PER2: variants seen among roughly 807,000 people sequenced by gnomAD.
PER2 encodes period circadian protein homolog 2.
In PER2, 66 loss-of-function variants were observed where a neutral mutation model predicts 121.0. The observed-to-expected ratio is 0.55, with a 90% CI of 0.45 to 0.67. The LOEUF (loss-of-function observed/expected upper bound fraction) is 0.67, where lower values mean the gene tolerates loss of function less well. Ranked by LOEUF, PER2 falls within the 30% of genes least tolerant of loss-of-function variation. The pLI, the probability that PER2 is intolerant of heterozygous loss-of-function variation, is 0.00. For missense variants in PER2, 1,521 were observed against 1,635.0 expected, an observed-to-expected ratio of 0.93 and a Z score of 1.20; for synonymous variants, 684 against 659.9, an observed-to-expected ratio of 1.04 and a Z score of -0.56.
upstream of PER2, among the ~76,000 whole-genome samples, chr2:238,288,774 G>T (rs755067157): frequency 5.1e-4 from 77 of 151,796 alleles, no homozygotes; most frequent in Non-Finnish European, 1.0e-3. Flanking sequence ...CTCCGCCGCG[G>T]CCGAGTCGCC....
rs1695411892 is a variant in PER2, at chr2:238,245,076, C to CCCTGGT, written c.*1293_*1298dup. On this transcript the variant is annotated 3_prime_UTR_variant, in exon 23 of 23. Coordinates refer to ENST00000254657, the MANE Select transcript of PER2 (RefSeq NM_022817.3). The stretch of plus-strand genomic sequence containing the variant: ...AAAAAAAAAAAAAAAAAAAAGAAAA[C>CCCTGGT]CCTGGTCCCTTTTAAGCCTCATAGT... 7.7e-6 allele frequency: 1 copy of CCCTGGT among 130,362 alleles called. No individual in the cohort carries two copies. The highest frequency in any genetic ancestry group is 1.7e-5 in the Non-Finnish European group (1 of 59,926). The allele number at this position is 130,362 out of a possible 1,614,324, so 8.1% of individuals were successfully genotyped here.
At position 238,244,444 on chromosome 2, in the gene PER2, A is replaced by T. The variant is rs1251444001; in HGVS notation, c.*1931T>A. 1 of 152,496 alleles carries T rather than the reference A, an allele frequency of 6.6e-6. No individual in the cohort carries two copies. The highest frequency in any genetic ancestry group is 2.4e-5 in the African/African-American group (1 of 41,464). 9.4% of individuals were successfully genotyped at this position (152,496 alleles called of 1,614,324 possible). A position where few individuals can be genotyped will look rare whatever the true frequency, so the allele number is the denominator to read the frequency against. On this transcript the variant is annotated 3_prime_UTR_variant, in exon 23 of 23. Coordinates refer to ENST00000254657, the MANE Select transcript of PER2 (RefSeq NM_022817.3). ...AATGATAAAATAATGCTGATGGTAA[A>T]CATTCATAACAGCAGAGTAAGATTT... is the stretch of plus-strand genomic sequence containing the variant.
chr2:238,275,595 A>G (rs1696426876), intron 4 of PER2, 148 bp downstream of exon 4: 2 of 834,976 alleles, frequency 2.4e-6, no homozygotes, highest in Non-Finnish European at 4.1e-6. Flanking sequence ...AGGCTGTGGC[A>G]GCGGAATCGC....
In PER2 at chr2:238,275,840, C is replaced by T. The variant is rs780405920; in HGVS notation, c.351G>A (p.Glu117=). ...TGTCTGCAGGGAGGTGGACCTTCAG[C>T]TCCTTTAGTGTTTTTATCAGTTCTT... ...THKELIKTLK[E]LKVHLPADKK... Residue 117 remains glutamate, a synonymous_variant, in exon 4 of 23, where the codon GAG becomes GAA. Coordinates refer to ENST00000254657, the MANE Select transcript of PER2 (RefSeq NM_022817.3). 2 of 1,614,200 alleles carry T rather than the reference C, an allele frequency of 1.2e-6. No individual in the cohort carries two copies. The highest frequency in any genetic ancestry group is 1.7e-6 in the Non-Finnish European group (2 of 1,179,992).
Position 238,253,382 on chromosome 2 carries a change from C to T in PER2, c.2641G>A (p.Val881Met). ...AACTGGTGCTGGAGGTCCACGGGCA[C>T]AGCAGGCACTGTGAAGCTGGCGTGG... ...PPHASFTVPA[V>M]PVDLQHQFAV... is the part of the protein sequence containing the mutation. The change falls in exon 19 of 23, where the codon GTG becomes ATG. Residue 881 changes from valine (V) to methionine (M), a missense_variant. Transcript: ENST00000254657. The surrounding 1 kb of genome is among the most constrained non-coding windows in gnomAD (Gnocchi z 5.6). 3.1e-6 allele frequency: 5 copies of T among 1,612,176 alleles called. No individual in the cohort carries two copies. Among genetic ancestry groups the T allele is most frequent in the Non-Finnish European group, 4.2e-6 (5 of 1,178,782 alleles).
rs976154195 is a variant in PER2, at chr2:238,275,846, T to C, written c.345A>G (p.Leu115=). ...VDTHKELIKT[L]KELKVHLPAD... is the part of the protein sequence containing the mutation. Reference sequence around the variant, plus strand: ...CAGGGAGGTGGACCTTCAGCTCCTTTAGTGTTTTTATCAGTTCTTTGTGTG... The same window carrying C: ...CAGGGAGGTGGACCTTCAGCTCCTTCAGTGTTTTTATCAGTTCTTTGTGTG... The change falls in exon 4 of 23, where the codon CTA becomes CTG. Residue 115 remains leucine, a synonymous_variant. Transcript: ENST00000254657. The C allele has an allele frequency of 1.2e-6, 2 of 1,614,212 alleles. No homozygotes were observed. Among genetic ancestry groups the C allele is most frequent in the South Asian group, 1.1e-5 (1 of 91,084 alleles).
In PER2 at chr2:238,258,371, G is replaced by A; in HGVS notation, c.1805C>T (p.Thr602Ile). The change falls in exon 16 of 23, where the codon ACC becomes ATC. Residue 602 changes from threonine (T) to isoleucine (I), a missense_variant. By Grantham distance (89) the Thr-to-Ile change is moderately conservative. Transcript: ENST00000254657. ...TGGGAACTCGCATTTCCTCTTCAGG[G>A]TGGCAGCCTCATTGCAGCTCTCCAA... ...RYLESCNEAA[T>I]LKRKCEFPAN... The A allele has an allele frequency of 6.2e-7, 1 of 1,614,204 alleles. No individual in the cohort carries two copies.
intron 9 of PER2, among the ~76,000 whole-genome samples, chr2:238,264,367 C>A (rs1696032495): frequency 6.6e-6 from 1 of 152,236 alleles, no homozygotes; most frequent in South Asian, 2.1e-4. Flanking sequence ...CGCGGACACA[C>A]CTGAGCCACC....
intron 1 of PER2, among the ~76,000 whole-genome samples, chr2:238,279,362 C>T (rs973496895): frequency 1.3e-5 from 2 of 152,160 alleles, no homozygotes; most frequent in Admixed American, 6.5e-5. Flanking sequence ...CTACATGGTG[C>T]GCAGGAGATC....
intron 1 of PER2, among the ~76,000 whole-genome samples, chr2:238,278,550 C>T (rs1005006330): frequency 6.6e-6 from 1 of 152,208 alleles, no homozygotes. Context: ...ATAATCAACA[C>T]CCGGCCTGTG....
chr2:238,253,578 C>A lies in PER2; in HGVS notation c.2445G>T (p.Gly815=), dbSNP rs760321226. 6.2e-7 allele frequency: 1 copy of A among 1,608,742 alleles called. No individual in the cohort carries two copies. The highest frequency in any genetic ancestry group is 8.5e-7 in the Non-Finnish European group (1 of 1,177,548). The change falls in exon 19 of 23, where the codon GGG becomes GGT. Residue 815 remains glycine (G), a synonymous_variant. Coordinates refer to ENST00000254657, the MANE Select transcript of PER2 (RefSeq NM_022817.3). The surrounding 1 kb of genome is among the most constrained non-coding windows in gnomAD (Gnocchi z 5.6). The part of the protein sequence containing the change: ...RDSSESTGSG[G]PVSARPPLVG... ...CCAGCGGGGGCCGGGCGGACACGGGCCCCCCAGATCCGGTGCTCTCAGATG... is the reference window on the plus strand; with the variant it reads ...CCAGCGGGGGCCGGGCGGACACGGGACCCCCAGATCCGGTGCTCTCAGATG...
Position 238,262,321 on chromosome 2 carries a change from A to G in PER2, c.1177T>C (p.Phe393Leu), listed in dbSNP as rs1190608798. Reference protein sequence around the residue: ...KKILQSGGQPFDYSPIRFRAR... With the variant: ...KKILQSGGQPLDYSPIRFRAR... ...CGAAACCGAATGGGAGAATAGTCGA[A>G]AGGCTGCCCGCCTGACTGCAGGACT... is the stretch of plus-strand genomic sequence containing the variant. The change falls in exon 11 of 23, where the codon TTC becomes CTC. Residue 393 changes from phenylalanine to leucine, a missense_variant. Transcript: ENST00000254657. 1 of 1,614,034 alleles carries G rather than the reference A, an allele frequency of 6.2e-7. No individual in the cohort carries two copies. The highest frequency in any genetic ancestry group is 2.2e-5 in the East Asian group (1 of 44,862).
chr2:238,298,665 TG>T, the PER2 span: 1 of 152,246 alleles, frequency 6.6e-6, no homozygotes, highest in Non-Finnish European at 1.5e-5. Context: ...AGAAAAAGTT[TG>T]CTGACCGCTG....
In PER2 at chr2:238,271,442, T is replaced by C. The variant is rs1193929282; in HGVS notation, c.642A>G (p.Ile214Met). The change falls in exon 6 of 23, where the codon ATA (isoleucine) becomes ATG (methionine). Residue 214 changes from isoleucine (I) to methionine (M), a missense_variant. Coordinates refer to ENST00000254657, the MANE Select transcript of PER2 (RefSeq NM_022817.3). ...ILYISDQVASIFHCKRDAFSD... is the reference protein window; with the variant it reads ...ILYISDQVASMFHCKRDAFSD... ...TGAAGGCATCTCTTTTACAGTGAAA[T>C]ATGGATGCAACCTGGTCAGAGATGT... The C allele has an allele frequency of 2.5e-6, 4 of 1,613,900 alleles. No homozygotes were observed. The highest frequency in any genetic ancestry group is 2.2e-5 in the East Asian group (1 of 44,870).
At position 238,265,613 on chromosome 2, in the gene PER2, A is replaced by T. The variant is rs774440714; in HGVS notation, c.968-23T>A. Reference sequence around the variant, plus strand: ...GGGCTGAAAGAACAGAATATTGCACACATTTGTGATCCTAAGAAATGCATA... The same window carrying T: ...GGGCTGAAAGAACAGAATATTGCACTCATTTGTGATCCTAAGAAATGCATA... On this transcript the variant is annotated intron_variant, in intron 8 of 22. Transcript: ENST00000254657. The T allele has an allele frequency of 6.5e-6, 9 of 1,381,728 alleles. No individual in the cohort carries two copies. The South Asian group carries it at 1.0e-4, about 16-fold the overall frequency. 85.6% of individuals were successfully genotyped at this position (1,381,728 alleles called of 1,614,324 possible).
chr2:238,272,106 C>T (rs879261146), intron 5 of PER2, among the ~76,000 whole-genome samples: 6 of 152,254 alleles, frequency 3.9e-5, no homozygotes, highest in Admixed American at 6.5e-5. Flanking sequence ...TGCCAAGCTG[C>T]GTTTCATGTT....
In PER2 at chr2:238,245,657, G is replaced by A. The variant is rs2106359530; in HGVS notation, c.*718C>T. The A allele has an allele frequency of 2.5e-6, 1 of 398,610 alleles. No homozygotes were observed. The highest frequency in any genetic ancestry group is 3.6e-5 in the East Asian group (1 of 28,086). 24.7% of individuals were successfully genotyped at this position (398,610 alleles called of 1,614,324 possible). ...GACAAGAATAATGCAGAAATATACA[G>A]AGGGTCTGTCTGCGTGTGCATTCAT... On this transcript the variant is annotated 3_prime_UTR_variant, in exon 23 of 23. Transcript: ENST00000254657.
In PER2 at chr2:238,268,862, A is replaced by C; in HGVS notation, c.824+61T>G. ...CACGCCCCCCAGCCTCAAGCGGAGC[A>C]GTGCTGGGGTGAAATGTTTATACGG... On this transcript the variant is annotated intron_variant, in intron 7 of 22. Coordinates refer to ENST00000254657, the MANE Select transcript of PER2 (RefSeq NM_022817.3). The surrounding 1 kb of genome is among the most constrained non-coding windows in gnomAD (Gnocchi z 4.0). 8.2e-7 allele frequency: 1 copy of C among 1,212,946 alleles called. No individual in the cohort carries two copies. The highest frequency in any genetic ancestry group is 1.2e-6 in the Non-Finnish European group (1 of 814,040). 75.1% of individuals were successfully genotyped at this position (1,212,946 alleles called of 1,614,324 possible). A position where few individuals can be genotyped will look rare whatever the true frequency, so the allele number is the denominator to read the frequency against.
chr2:238,267,935 G>C, intron 8 of PER2, 121 bp downstream of exon 8: 2 of 1,101,726 alleles, frequency 1.8e-6, no homozygotes, highest in Non-Finnish European at 2.7e-6. Flanking sequence ...GTGAGGTGGA[G>C]AGGCCAAGGC....
Sources: allele counts gnomAD v4.1 joint callset (sites outside exome capture counted in the v4.1 genomes callset), GRCh38; gene constraint gnomAD v4.1.1; non-coding constraint Gnocchi (gnomAD v3.1); transcripts MANE v1.5; gene names NCBI Gene and HGNC (gene_info 2026-07-23, HGNC 2026-07-21).